The following ADAMTS12 variants were observed in gnomAD, a reference collection of about 807,000 sequenced individuals.
The protein encoded by ADAMTS12 is A disintegrin and metalloproteinase with thrombospondin motifs 12.
A neutral mutation model predicts 167.8 loss-of-function variants in ADAMTS12; 118 were observed. The ratio of observed to expected loss-of-function variants is 0.70; its 90% CI spans 0.61 to 0.82. The LOEUF (loss-of-function observed/expected upper bound fraction) is 0.82, where lower values mean the gene tolerates loss of function less well. ADAMTS12 is among the 40% of genes least tolerant of loss of function. ADAMTS12 has a pLI of 0.00. For missense variants in ADAMTS12, 1,916 were observed against 1,998.8 expected, an observed-to-expected ratio of 0.96 and a Z score of 0.79; for synonymous variants, 704 against 716.9, an observed-to-expected ratio of 0.98 and a Z score of 0.29.
intron 2 of ADAMTS12, among the ~76,000 whole-genome samples, chr5:33,792,945 T>C (rs1188769336): frequency 1.3e-5 from 2 of 152,212 alleles, no homozygotes; most frequent in African/African-American, 4.8e-5. Flanking sequence ...AAGGAGCCTG[T>C]GTCCTCTGTT....
intron 2 of ADAMTS12, among the ~76,000 whole-genome samples, chr5:33,785,533 A>G (rs1746296463): frequency 6.6e-6 from 1 of 152,126 alleles, no homozygotes; most frequent in African/African-American, 2.4e-5. Context: ...AAAGATTTGA[A>G]TAGGCACTTC....
At chr5:33,803,145 A>T (rs1488533480) in intron 2 of ADAMTS12, among the ~76,000 whole-genome samples, 1 of 152,202 alleles carries the variant, frequency 6.6e-6, no homozygotes, top group African/African-American at 2.4e-5. Context: ...AGGGAAGATG[A>T]AGGCAGTGTG....
At chr5:33,805,144 T>A (rs1747173419) in intron 2 of ADAMTS12, among the ~76,000 whole-genome samples, 1 of 152,188 alleles carries the variant, frequency 6.6e-6, no homozygotes, top group Non-Finnish European at 1.5e-5. Context: ...GCTAACACTA[T>A]GCTTTATACA....
At chr5:33,538,959 TGAGATG>T (rs1744546579) in intron 22 of ADAMTS12, among the ~76,000 whole-genome samples, 1 of 152,188 alleles carries the variant, frequency 6.6e-6, no homozygotes, top group Non-Finnish European at 1.5e-5. Flanking sequence ...TTTCTTTTTC[TGAGATG>T]GAGTCTTGCT....
At chr5:33,693,259 T>A (rs1742619660) in intron 3 of ADAMTS12, among the ~76,000 whole-genome samples, 1 of 152,218 alleles carries the variant, frequency 6.6e-6, no homozygotes, top group South Asian at 2.1e-4. Flanking sequence ...GTAAAAATTC[T>A]CTATAATTAG....
intron 3 of ADAMTS12, among the ~76,000 whole-genome samples, chr5:33,710,513 C>A (rs1396321817): frequency 6.6e-6 from 1 of 152,160 alleles, no homozygotes; most frequent in Non-Finnish European, 1.5e-5. Flanking sequence ...ATTTATTATG[C>A]ATCTGCTATG....
rs183543647 is a variant in ADAMTS12 at position 33,646,052 on chromosome 5, A to G, written c.1480-2582T>C. ...GGATGGTTCCAAGGAACCACTGTGC[A>G]GGGTTCTAGAGGTTGTGGAGAACCC... On this transcript the variant is annotated intron_variant, in intron 9 of 23. Coordinates refer to ENST00000504830, the MANE Select transcript of ADAMTS12 (RefSeq NM_030955.4). 2.0e-3 allele frequency among the ~76,000 whole-genome samples: 311 copies of G among 152,316 alleles called. 4 individuals are homozygous for G. The highest frequency in any genetic ancestry group is 7.0e-3 in the African/African-American group (292 of 41,562).
rs534093665 is a variant in ADAMTS12 at position 33,620,103 on chromosome 5, A to G, written c.2144-4031T>C. Among the ~76,000 whole-genome samples, 3 of 152,368 alleles carry G rather than the reference A, an allele frequency of 2.0e-5. No individual in the cohort carries two copies. In the East Asian group the frequency reaches 5.8e-4, roughly 29 times the overall value. On this transcript the variant is annotated intron_variant, in intron 14 of 23. Coordinates refer to ENST00000504830, the MANE Select transcript of ADAMTS12 (RefSeq NM_030955.4). ...TACATGAAAGATAAAAAGTTTCACA[A>G]AAAGTGCAAGGTCTTTGTACCTGCT... is the stretch of plus-strand genomic sequence containing the variant.
chr5:33,867,160 G>A (rs954204525), intron 2 of ADAMTS12, among the ~76,000 whole-genome samples: 13 of 152,074 alleles, frequency 8.5e-5, no homozygotes, highest in Admixed American at 1.3e-4. Flanking sequence ...AACTGCATAC[G>A]TGTGTTTATT....
Position 33,715,351 on chromosome 5 carries a change from C to A in ADAMTS12, c.635-31296G>T, listed in dbSNP as rs904150203. Among the ~76,000 whole-genome samples the A allele has an allele frequency of 2.4e-4, 36 of 152,074 alleles. 2 individuals carry two copies. On this transcript the variant is annotated intron_variant, in intron 3 of 23. Coordinates refer to ENST00000504830, the MANE Select transcript of ADAMTS12 (RefSeq NM_030955.4). ...TGAAGGCATCCTAACAGTCTTCAGACCTTAGCAAGTTTGGGGGGACACTAA... is the reference window on the plus strand; with the variant it reads ...TGAAGGCATCCTAACAGTCTTCAGAACTTAGCAAGTTTGGGGGGACACTAA...
chr5:33,529,527 G>C (rs1743991621), intron 23 of ADAMTS12, among the ~76,000 whole-genome samples: 1 of 152,066 alleles, frequency 6.6e-6, no homozygotes, highest in African/African-American at 2.4e-5. Context: ...ACAGGCCGCT[G>C]TCCTTTGTAA....
chr5:33,857,519 C>T (rs1461375822), intron 2 of ADAMTS12, among the ~76,000 whole-genome samples: 1 of 151,598 alleles, frequency 6.6e-6, no homozygotes, highest in Non-Finnish European at 1.5e-5. Context: ...ATATGTATAA[C>T]AGATCACCAA....
intron 2 of ADAMTS12, among the ~76,000 whole-genome samples, chr5:33,854,549 T>C (rs1379540566): frequency 1.3e-5 from 2 of 152,126 alleles, no homozygotes; most frequent in East Asian, 1.9e-4. Context: ...CCCTAGACCA[T>C]AGGAAGGTCT....
At chr5:33,686,877 T>A (rs776783064) in intron 3 of ADAMTS12, among the ~76,000 whole-genome samples, 3 of 150,398 alleles carry the variant, frequency 2.0e-5, no homozygotes, top group African/African-American at 4.9e-5. Context: ...TATATATATG[T>A]AGGCACTGAA....
chr5:33,630,618 T>C (rs1259687874), intron 13 of ADAMTS12, among the ~76,000 whole-genome samples, 162 bp downstream of exon 13: 1 of 152,198 alleles, frequency 6.6e-6, no homozygotes, highest in Non-Finnish European at 1.5e-5. Context: ...ACTGTGACTT[T>C]GATGAACACT....
chr5:33,676,624 C>G (rs1254051480), intron 5 of ADAMTS12, among the ~76,000 whole-genome samples: 1 of 150,826 alleles, frequency 6.6e-6, no homozygotes, highest in East Asian at 1.9e-4. Context: ...TTCAAAGATA[C>G]AGTGAACTAT....
chr5:33,659,589 TAAAGAA>T (rs1741182724), intron 6 of ADAMTS12, among the ~76,000 whole-genome samples: 1 of 152,068 alleles, frequency 6.6e-6, no homozygotes, highest in Non-Finnish European at 1.5e-5. Flanking sequence ...TGTCCAGCAC[TAAAGAA>T]AAAAGTGGCT....
At chr5:33,668,488 A>C (rs1741553375) in intron 5 of ADAMTS12, among the ~76,000 whole-genome samples, 1 of 152,084 alleles carries the variant, frequency 6.6e-6, no homozygotes, top group Non-Finnish European at 1.5e-5. Flanking sequence ...CATTACAGTT[A>C]AATCTGCTTT....
chr5:33,854,978 T>C (rs1177619741), intron 2 of ADAMTS12, among the ~76,000 whole-genome samples: 2 of 152,142 alleles, frequency 1.3e-5, no homozygotes, highest in African/African-American at 4.8e-5. Context: ...GCAACTCAAA[T>C]CAGTGATTTC....
Sources: gnomAD v4.1 joint callset for allele counts (sites outside exome capture counted in the v4.1 genomes callset) on GRCh38, gnomAD v4.1.1 for gene constraint, MANE v1.5 for transcripts, NCBI Gene and HGNC (gene_info 2026-07-23, HGNC 2026-07-21) for gene names.